Variants in GRIK4 observed in about 807,000 individuals in gnomAD.
GRIK4 encodes glutamate ionotropic receptor kainate type subunit 4, also known as glutamate receptor ionotropic, kainate 4.
GRIK4 carries 40 observed loss-of-function variants against 104.9 expected under a neutral mutation model. The observed-to-expected ratio is 0.38, with a 90% CI of 0.30 to 0.50. GRIK4 has a LOEUF of 0.50. GRIK4 is among the 20% of genes least tolerant of loss of function. The pLI, the probability that GRIK4 is intolerant of heterozygous loss-of-function variation, is 0.93. For synonymous variants in GRIK4, 485 were observed against 524.9 expected, an observed-to-expected ratio of 0.92 and a Z score of 1.04; for missense variants, 1,047 against 1,308.1, an observed-to-expected ratio of 0.80 and a Z score of 3.08.
chr11:120,754,313 T>C (rs1302104406), intron 3 of GRIK4, among the ~76,000 whole-genome samples: 1 of 152,230 alleles, frequency 6.6e-6, no homozygotes, highest in Non-Finnish European at 1.5e-5. Context: ...TGCCTGGCCC[T>C]TGGACATTTC....
At chr11:120,919,407 T>C (rs116558574) in intron 13 of GRIK4, among the ~76,000 whole-genome samples, 2,808 of 152,252 alleles carry the variant, frequency 0.018, 89 homozygotes, top group African/African-American at 0.064. Context: ...ATTAGATCTT[T>C]GGTGTAAACT....
intron 1 of GRIK4, among the ~76,000 whole-genome samples, chr11:120,545,040 G>A (rs534243358): frequency 2.6e-5 from 4 of 152,046 alleles, no homozygotes; most frequent in South Asian, 2.1e-4. Context: ...GGGAGCTTAC[G>A]CAGCTGACTG....
At chr11:120,639,403 G>A (rs1403697470) in intron 1 of GRIK4, among the ~76,000 whole-genome samples, 4 of 152,078 alleles carry the variant, frequency 2.6e-5, no homozygotes, top group Admixed American at 1.3e-4. Flanking sequence ...TCTTCATCTC[G>A]CTACACACAC....
At chr11:120,730,984 A>C (rs1462466259) in intron 3 of GRIK4, among the ~76,000 whole-genome samples, 2 of 152,122 alleles carry the variant, frequency 1.3e-5, no homozygotes, top group African/African-American at 4.8e-5. Context: ...GGTTTTTCCA[A>C]ATGCAAGATC....
At chr11:120,661,488 CT>C (rs1291191524) in intron 3 of GRIK4, among the ~76,000 whole-genome samples, 2 of 152,232 alleles carry the variant, frequency 1.3e-5, no homozygotes, top group Non-Finnish European at 2.9e-5. Context: ...GATCTTAAAC[CT>C]GAGCCTGAAA....
chr11:120,681,309 G>T (rs1950189606), intron 3 of GRIK4, among the ~76,000 whole-genome samples: 1 of 145,444 alleles, frequency 6.9e-6, no homozygotes, highest in Admixed American at 6.8e-5. Flanking sequence ...CTCTGAGACT[G>T]TGGAATTTGC....
At chr11:120,699,264 G>T (rs1195747420) in intron 3 of GRIK4, among the ~76,000 whole-genome samples, 1 of 152,134 alleles carries the variant, frequency 6.6e-6, no homozygotes, top group African/African-American at 2.4e-5. Context: ...GGATCAAATT[G>T]TCTGCTTTAA....
At chr11:120,663,671 C>T (rs1413582764) in intron 3 of GRIK4, among the ~76,000 whole-genome samples, 1 of 152,134 alleles carries the variant, frequency 6.6e-6, no homozygotes, top group Non-Finnish European at 1.5e-5. Context: ...TACACTAAAC[C>T]ACTCCCTGTG....
intron 1 of GRIK4, among the ~76,000 whole-genome samples, chr11:120,522,228 G>A (rs151335624): frequency 1.2e-4 from 18 of 152,362 alleles, no homozygotes; most frequent in Middle Eastern, 3.4e-3. Context: ...CTTGCCCGGC[G>A]TAGGGAATGT....
chr11:120,877,937 C>T (rs894733861), intron 11 of GRIK4, among the ~76,000 whole-genome samples: 9 of 152,186 alleles, frequency 5.9e-5, no homozygotes, highest in African/African-American at 1.9e-4. Context: ...GCTGGTAGCC[C>T]TGATCCCACT....
chr11:120,766,056 G>T (rs191909620), intron 3 of GRIK4, among the ~76,000 whole-genome samples: 1 of 152,198 alleles, frequency 6.6e-6, no homozygotes, highest in Non-Finnish European at 1.5e-5. Context: ...GCCCACAGCC[G>T]CCCCTTCCCC....
At chr11:120,673,941 G>T (rs1950060077) in intron 3 of GRIK4, among the ~76,000 whole-genome samples, 2 of 152,130 alleles carry the variant, frequency 1.3e-5, no homozygotes, top group Non-Finnish European at 2.9e-5. Context: ...CTGACCATTG[G>T]TTTTTCTATT....
chr11:120,772,944 T>C (rs937733201), intron 3 of GRIK4, among the ~76,000 whole-genome samples: 2 of 152,164 alleles, frequency 1.3e-5, no homozygotes, highest in Non-Finnish European at 2.9e-5. Flanking sequence ...TGCTAGGCAA[T>C]GAGGATATAA....
At chr11:120,735,715 C>A (rs933633133) in intron 3 of GRIK4, among the ~76,000 whole-genome samples, 1 of 151,604 alleles carries the variant, frequency 6.6e-6, no homozygotes, top group Non-Finnish European at 1.5e-5. Context: ...TAGAAATCTA[C>A]CTGGTGTTCT....
At chr11:120,580,656 C>A (rs1357563266) in intron 1 of GRIK4, among the ~76,000 whole-genome samples, 3 of 152,070 alleles carry the variant, frequency 2.0e-5, no homozygotes, top group African/African-American at 7.2e-5. Flanking sequence ...GCAACCTCTG[C>A]CTCCTAGGGT....
intron 1 of GRIK4, among the ~76,000 whole-genome samples, chr11:120,550,188 C>A (rs1376310811): frequency 6.6e-6 from 1 of 151,894 alleles, no homozygotes; most frequent in Non-Finnish European, 1.5e-5. Flanking sequence ...GGGGTGGTGG[C>A]AGAGCAGACA....
intron 1 of GRIK4, among the ~76,000 whole-genome samples, chr11:120,561,880 G>A (rs536731989): frequency 3.0e-4 from 46 of 152,352 alleles, no homozygotes; most frequent in African/African-American, 1.1e-3. Flanking sequence ...TGATGGGAGT[G>A]TGACTTGGTC....
intron 6 of GRIK4, among the ~76,000 whole-genome samples, chr11:120,821,492 G>A (rs902121455): frequency 3.3e-5 from 5 of 152,208 alleles, no homozygotes; most frequent in African/African-American, 1.2e-4. Context: ...CAAGGAACAT[G>A]GACTTGGTCC....
intron 3 of GRIK4, among the ~76,000 whole-genome samples, chr11:120,715,236 G>A (rs536471110): frequency 6.6e-6 from 1 of 152,304 alleles, no homozygotes; most frequent in African/African-American, 2.4e-5. Context: ...GTGATCAAGG[G>A]AGGGAGAAGG....
Sources: allele counts gnomAD v4.1 joint callset (sites outside exome capture counted in the v4.1 genomes callset), GRCh38; gene constraint gnomAD v4.1.1; transcripts MANE v1.5; gene names NCBI Gene and HGNC (gene_info 2026-07-23, HGNC 2026-07-21).